The following TTC12 variants were observed in gnomAD, a reference collection of about 807,000 sequenced individuals.
The protein encoded by TTC12 is tetratricopeptide repeat domain 12.
A neutral mutation model predicts 90.1 loss-of-function variants in TTC12; 70 were observed. The ratio of observed to expected loss-of-function variants is 0.78; its 90% CI spans 0.64 to 0.95. TTC12 has a LOEUF of 0.95. Among genes scored for constraint, TTC12 ranks in the 40% least tolerant of loss-of-function variants. The pLI, the probability that TTC12 is intolerant of heterozygous loss-of-function variation, is 0.00. For synonymous variants in TTC12, 296 were observed against 311.5 expected, an observed-to-expected ratio of 0.95 and a Z score of 0.53; for missense variants, 819 against 846.1, an observed-to-expected ratio of 0.97 and a Z score of 0.40.
At chr11:113,359,814 G>C in intron 17 of TTC12, 126 bp from the exon 18 acceptor site, 1 of 701,566 alleles carries the variant, frequency 1.4e-6, no homozygotes, top group East Asian at 2.7e-5. Context: ...AAAAGATGGT[G>C]TTGTGAGGGA....
At chr11:113,350,267 C>G in intron 14 of TTC12, 102 bp downstream of exon 14, 1 of 890,720 alleles carries the variant, frequency 1.1e-6, no homozygotes, top group Non-Finnish European at 1.8e-6. Flanking sequence ...GGCCAAGTCT[C>G]CAAGTGAGTA....
intron 16 of TTC12, among the ~76,000 whole-genome samples, chr11:113,353,295 C>T (rs10891538): frequency 0.33 from 50,294 of 151,994 alleles, 10,828 homozygotes; most frequent in Non-Finnish European, 0.48. Flanking sequence ...ATGTCCTTTG[C>T]CCACTTTTTA....
chr11:113,338,747 C>A, intron 8 of TTC12, 27 bp from the exon 9 acceptor site: 1 of 1,596,436 alleles, frequency 6.3e-7, no homozygotes, highest in East Asian at 2.2e-5. Context: ...CCCAACCACT[C>A]TTCAAGGTCT....
At chr11:113,366,430 G>A (rs577955237), downstream of TTC12, 1 of 1,495,594 alleles carries the variant, frequency 6.7e-7, no homozygotes, top group Non-Finnish European at 8.9e-7. Flanking sequence ...TGCATTTCAG[G>A]TTTTCACGGG....
downstream of TTC12, among the ~76,000 whole-genome samples, chr11:113,369,883 C>A (rs1227614147): frequency 6.6e-6 from 1 of 152,200 alleles, no homozygotes; most frequent in Non-Finnish European, 1.5e-5. Context: ...CCCCTCCCAC[C>A]CTCACGGATC....
chr11:113,366,357 C>G lies in TTC12; in HGVS notation c.*57C>G, dbSNP rs1950215355. The G allele has an allele frequency of 6.2e-6, 10 of 1,607,108 alleles. No homozygotes were observed. Among genetic ancestry groups the G allele is most frequent in the Admixed American group, 3.3e-5 (2 of 59,928 alleles). On this transcript the variant is annotated 3_prime_UTR_variant, in exon 22 of 22. Coordinates refer to ENST00000529221, the MANE Select transcript of TTC12 (RefSeq NM_017868.4). ...ACACAGATGCACACCGTGTGTTGTT[C>G]CTATGCTAATAAAGACCTTTGATGT...
intron 15 of TTC12, 87 bp downstream of exon 15, chr11:113,351,386 C>A: frequency 1.9e-6 from 2 of 1,059,270 alleles, no homozygotes; most frequent in Non-Finnish European, 1.5e-6. Flanking sequence ...CAATCCAGAA[C>A]AACTATTGTC....
intron 16 of TTC12, among the ~76,000 whole-genome samples, chr11:113,353,310 G>A (rs1388454563): frequency 1.3e-5 from 2 of 151,964 alleles, no homozygotes; most frequent in African/African-American, 4.8e-5. Context: ...TTTTTAATGG[G>A]GTAGTTTATT....
chr11:113,320,634 A>G (rs1266964102), intron 2 of TTC12, among the ~76,000 whole-genome samples: 3 of 152,184 alleles, frequency 2.0e-5, no homozygotes, highest in Non-Finnish European at 2.9e-5. Flanking sequence ...AGAGCTCGGG[A>G]TACAAAAAGC....
intron 13 of TTC12, among the ~76,000 whole-genome samples, chr11:113,346,336 A>G (rs1464892183): frequency 6.6e-6 from 1 of 152,032 alleles, no homozygotes; most frequent in Admixed American, 6.6e-5. Flanking sequence ...GATGCAGTTG[A>G]ATTTTTTCTG....
Position 113,366,344 on chromosome 11 carries a change from A to G in TTC12, c.*44A>G. On this transcript the variant is annotated 3_prime_UTR_variant, in exon 22 of 22. Coordinates refer to ENST00000529221, the MANE Select transcript of TTC12 (RefSeq NM_017868.4). Reference sequence around the variant, plus strand: ...GCATTTGGGGAACACACAGATGCACACCGTGTGTTGTTCCTATGCTAATAA... The same window carrying G: ...GCATTTGGGGAACACACAGATGCACGCCGTGTGTTGTTCCTATGCTAATAA... 6.2e-7 allele frequency: 1 copy of G among 1,610,562 alleles called. No homozygotes were observed. Among genetic ancestry groups the G allele is most frequent in the Non-Finnish European group, 8.5e-7 (1 of 1,179,750 alleles).
Position 113,316,306 on chromosome 11 carries a change from G to A in TTC12, c.49G>A (p.Asp17Asn). 6.9e-7 allele frequency: 1 copy of A among 1,451,908 alleles called. No individual in the cohort carries two copies. Among genetic ancestry groups the A allele is most frequent in the Non-Finnish European group, 9.2e-7 (1 of 1,092,526 alleles). 89.9% of individuals were successfully genotyped at this position (1,451,908 alleles called of 1,614,324 possible). Residue 17 changes from aspartate (D) to asparagine (N), a missense_variant, in exon 2 of 22, where the codon GAT becomes AAT. By Grantham distance (23) the Asp-to-Asn change is conservative. Coordinates refer to ENST00000529221, the MANE Select transcript of TTC12 (RefSeq NM_017868.4). Reference sequence around the variant, plus strand: ...TTTGCAGAAATTTCTTAAAAATGTGGATGAAATCTGTAAGTACTAGTAAAT... The same window carrying A: ...TTTGCAGAAATTTCTTAAAAATGTGAATGAAATCTGTAAGTACTAGTAAAT... Reference protein sequence around the residue: ...KDLQKFLKNVDEISNLIQEMN... With the variant: ...KDLQKFLKNVNEISNLIQEMN...
chr11:113,359,916 G>T, intron 17 of TTC12, 24 bp from the exon 18 acceptor site: 1 of 1,567,982 alleles, frequency 6.4e-7, no homozygotes, highest in East Asian at 2.3e-5. Context: ...AAAATCTCCT[G>T]CTGGCCTCTC....
intron 7 of TTC12, among the ~76,000 whole-genome samples, chr11:113,334,197 G>C (rs1382287172): frequency 1.3e-5 from 2 of 152,156 alleles, no homozygotes; most frequent in African/African-American, 4.8e-5. Flanking sequence ...ACAATGTCTT[G>C]CATATAAAAG....
chr11:113,344,875 A>C (rs1948864667), intron 13 of TTC12, among the ~76,000 whole-genome samples: 1 of 152,238 alleles, frequency 6.6e-6, no homozygotes, highest in African/African-American at 2.4e-5. Context: ...ATGAATAAAT[A>C]AAACATTTCA....
intron 13 of TTC12, among the ~76,000 whole-genome samples, chr11:113,349,302 G>A (rs1414829183): frequency 6.6e-6 from 1 of 152,158 alleles, no homozygotes. Context: ...ATTTACATGT[G>A]TATCACTGTA....
At chr11:113,324,911 G>A (rs1481210582) in intron 5 of TTC12, among the ~76,000 whole-genome samples, 1 of 152,322 alleles carries the variant, frequency 6.6e-6, no homozygotes, top group East Asian at 1.9e-4. Context: ...ACCTCTTTCT[G>A]AAGCTTCCCT....
chr11:113,324,680 A>T lies in TTC12; in HGVS notation c.320A>T (p.Asp107Val), dbSNP rs782103471. The T allele has an allele frequency of 6.2e-7, 1 of 1,613,524 alleles. No homozygotes were observed. Among genetic ancestry groups the T allele is most frequent in the Non-Finnish European group, 8.5e-7 (1 of 1,179,788 alleles). Residue 107 changes from aspartate (D) to valine (V), a missense_variant and splice_region_variant, in exon 5 of 22, where the codon GAT becomes GTT. Asp to Val is a radical substitution (Grantham distance 152, BLOSUM62 -3). Transcript: ENST00000529221. Reference protein sequence around the residue: ...KRRRENKVLADALKEKGNEAF... With the variant: ...KRRRENKVLAVALKEKGNEAF... ...AGAAGGGAAAACAAAGTCTTGGCGGATGGTAATTGTCAGTCCTTACTTTTC... is the reference window on the plus strand; with the variant it reads ...AGAAGGGAAAACAAAGTCTTGGCGGTTGGTAATTGTCAGTCCTTACTTTTC...
At chr11:113,355,428 A>C (rs1283055064) in intron 16 of TTC12, among the ~76,000 whole-genome samples, 4 of 151,870 alleles carry the variant, frequency 2.6e-5, no homozygotes, top group Non-Finnish European at 4.4e-5. Flanking sequence ...TGATCTTTTG[A>C]ATAGGTTTTT....
Sources: gnomAD v4.1 joint callset for allele counts (sites outside exome capture counted in the v4.1 genomes callset) on GRCh38, gnomAD v4.1.1 for gene constraint, MANE v1.5 for transcripts, NCBI Gene and HGNC (gene_info 2026-07-23, HGNC 2026-07-21) for gene names.